Variants in HCN1 observed in about 807,000 individuals in gnomAD.
HCN1 encodes the protein potassium/sodium hyperpolarization-activated cyclic nucleotide-gated channel 1.
In HCN1, 13 loss-of-function variants were observed where a neutral mutation model predicts 78.9. The ratio of observed to expected loss-of-function variants is 0.16; its 90% CI spans 0.11 to 0.26. The LOEUF is 0.26. Among genes scored for constraint, HCN1 ranks in the 10% least tolerant of loss-of-function variants. The pLI is 1.00. For synonymous variants in HCN1, 552 were observed against 455.5 expected (o/e 1.21, Z -2.70); for missense variants, 810 against 1,154.3 (o/e 0.70, Z 4.32).
chr5:45,323,925 G>A (rs1415647615), intron 5 of HCN1, among the ~76,000 whole-genome samples: 1 of 151,982 alleles, frequency 6.6e-6, no homozygotes, highest in African/African-American at 2.4e-5. Flanking sequence ...ATTCCATGGT[G>A]TATATGTGCT....
intron 4 of HCN1, among the ~76,000 whole-genome samples, chr5:45,389,904 T>C (rs908351317): frequency 3.3e-5 from 5 of 152,190 alleles, no homozygotes; most frequent in Admixed American, 1.3e-4. Flanking sequence ...ATTGCTAAGT[T>C]TTTCAAAGGA....
intron 1 of HCN1, among the ~76,000 whole-genome samples, chr5:45,648,959 G>T (rs1241833992): frequency 1.3e-5 from 2 of 151,860 alleles, no homozygotes; most frequent in Non-Finnish European, 2.9e-5. Flanking sequence ...AAACAACTTA[G>T]TCTGTTTGTC....
At chr5:45,359,606 AACTAATTTCCATG>A (rs1747072628) in intron 4 of HCN1, among the ~76,000 whole-genome samples, 1 of 151,706 alleles carries the variant, frequency 6.6e-6, no homozygotes, top group Admixed American at 6.6e-5. Context: ...TGAGTGATGG[AACTAATTTCCATG>A]TTCAAATAAA....
chr5:45,298,227 A>G (rs1745538244), intron 6 of HCN1, among the ~76,000 whole-genome samples: 1 of 152,038 alleles, frequency 6.6e-6, no homozygotes, highest in African/African-American at 2.4e-5. Flanking sequence ...TGATGTATAA[A>G]TGATTTATAA....
At chr5:45,533,235 T>A (rs1742896087) in intron 2 of HCN1, among the ~76,000 whole-genome samples, 1 of 152,174 alleles carries the variant, frequency 6.6e-6, no homozygotes, top group African/African-American at 2.4e-5. Context: ...TGAGGACCAA[T>A]TAGAAAAGTA....
intron 2 of HCN1, among the ~76,000 whole-genome samples, chr5:45,490,287 G>A (rs576584912): frequency 4.6e-5 from 7 of 152,136 alleles, no homozygotes; most frequent in Admixed American, 2.0e-4. Flanking sequence ...TTGTTTTCCT[G>A]AAAGAAACAG....
chr5:45,381,948 TG>T, intron 4 of HCN1, among the ~76,000 whole-genome samples: 1 of 152,328 alleles, frequency 6.6e-6, no homozygotes, highest in Non-Finnish European at 1.5e-5. Flanking sequence ...TGATCTGGCC[TG>T]TCTTCCTATT....
At chr5:45,472,947 T>A (rs1368389613) in intron 2 of HCN1, among the ~76,000 whole-genome samples, 1 of 151,890 alleles carries the variant, frequency 6.6e-6, no homozygotes, top group East Asian at 1.9e-4. Context: ...TCTGGTCACA[T>A]CTTTTTTGTG....
Position 45,690,295 on chromosome 5 carries a change from G to A in HCN1, c.425+5374C>T, listed in dbSNP as rs9918122. ...AATGTTGCTTCCTTGCTTTAACTGC[G>A]TGGTCAACTATTAGACAAAATAGAA... is the stretch of plus-strand genomic sequence containing the variant. On this transcript the variant is annotated intron_variant, in intron 1 of 7. Coordinates refer to ENST00000303230, the MANE Select transcript of HCN1 (RefSeq NM_021072.4). Among the ~76,000 whole-genome samples the A allele has an allele frequency of 5.3e-3, 813 of 152,060 alleles. 5 individuals are homozygous for A. The highest frequency in any genetic ancestry group is 8.2e-3 in the Non-Finnish European group (558 of 67,924).
intron 3 of HCN1, among the ~76,000 whole-genome samples, chr5:45,430,926 T>A (rs1740450210): frequency 6.6e-6 from 1 of 152,206 alleles, no homozygotes; most frequent in African/African-American, 2.4e-5. Flanking sequence ...TGTGTCTTTA[T>A]GATACAATGA....
intron 5 of HCN1, among the ~76,000 whole-genome samples, chr5:45,323,092 G>C (rs1235884488): frequency 6.6e-6 from 1 of 151,800 alleles, no homozygotes; most frequent in African/African-American, 2.4e-5. Flanking sequence ...TATGCTTGAA[G>C]ACACTTGGAC....
At chr5:45,632,430 GA>G (rs1162369204) in intron 2 of HCN1, among the ~76,000 whole-genome samples, 1 of 151,890 alleles carries the variant, frequency 6.6e-6, no homozygotes, top group Non-Finnish European at 1.5e-5. Context: ...GGAGGATGAG[GA>G]AAAAATTCTG....
At chr5:45,322,323 A>T (rs914620741) in intron 5 of HCN1, among the ~76,000 whole-genome samples, 6 of 151,916 alleles carry the variant, frequency 3.9e-5, no homozygotes, top group Middle Eastern at 6.8e-3. Context: ...CTTTTCTTAG[A>T]TTTTTTAAAG....
rs956645448 is a variant in HCN1, at chr5:45,445,414, C to G, written c.1011+16432G>C. 2.0e-5 allele frequency among the ~76,000 whole-genome samples: 3 copies of G among 152,220 alleles called. No homozygotes were observed. The East Asian group carries it at 5.8e-4, about 29-fold the overall frequency. ...GAACTGGGTGGAGCCCACCACAGCTCAAGGAGGCCTGCCTGCCTCTGTAGG... is the reference window on the plus strand; with the variant it reads ...GAACTGGGTGGAGCCCACCACAGCTGAAGGAGGCCTGCCTGCCTCTGTAGG... On this transcript the variant is annotated intron_variant, in intron 3 of 7. Transcript: ENST00000303230.
intron 5 of HCN1, among the ~76,000 whole-genome samples, chr5:45,346,588 G>T (rs550090092): frequency 2.0e-5 from 3 of 152,318 alleles, no homozygotes; most frequent in Non-Finnish European, 4.4e-5. Flanking sequence ...AGCGCAAGGG[G>T]TCAGGGAGTT....
At chr5:45,683,455 T>G (rs1487903416) in intron 1 of HCN1, among the ~76,000 whole-genome samples, 2 of 152,160 alleles carry the variant, frequency 1.3e-5, no homozygotes, top group Middle Eastern at 3.2e-3. Context: ...AAAAATAATT[T>G]AGGTTCCTTT....
intron 2 of HCN1, among the ~76,000 whole-genome samples, chr5:45,508,188 G>C (rs951992104): frequency 6.6e-6 from 1 of 152,020 alleles, no homozygotes; most frequent in African/African-American, 2.4e-5. Context: ...GATGAATATT[G>C]AATTGGAAAT....
intron 5 of HCN1, among the ~76,000 whole-genome samples, chr5:45,335,419 A>C (rs1746433240): frequency 6.6e-6 from 1 of 152,058 alleles, no homozygotes; most frequent in Non-Finnish European, 1.5e-5. Flanking sequence ...CTAACATTTC[A>C]ATATCAAATT....
At chr5:45,597,123 T>G (rs904886423) in intron 2 of HCN1, among the ~76,000 whole-genome samples, 5 of 152,020 alleles carry the variant, frequency 3.3e-5, no homozygotes, top group African/African-American at 1.2e-4. Flanking sequence ...AAAAAGAGAA[T>G]TTTTTAGACC....
Sources: allele counts gnomAD v4.1 joint callset (sites outside exome capture counted in the v4.1 genomes callset), GRCh38; gene constraint gnomAD v4.1.1; transcripts MANE v1.5; gene names NCBI Gene and HGNC (gene_info 2026-07-23, HGNC 2026-07-21).